Variants in DOCK3 observed in about 807,000 individuals in gnomAD.
DOCK3 encodes dedicator of cytokinesis 3, also known as dedicator of cytokinesis protein 3.
In DOCK3, 60 loss-of-function variants were observed where a neutral mutation model predicts 265.6. The observed-to-expected ratio is 0.23, with a 90% CI of 0.18 to 0.28. The LOEUF (loss-of-function observed/expected upper bound fraction) is 0.28. DOCK3 is among the 10% of genes least tolerant of loss of function. The pLI, the probability that DOCK3 is intolerant of heterozygous loss-of-function variation, is 1.00. For synonymous variants in DOCK3, 881 were observed against 938.0 expected (o/e 0.94, Z 1.11); for missense variants, 1,981 against 2,594.3 (o/e 0.76, Z 5.14).
intron 14 of DOCK3, among the ~76,000 whole-genome samples, chr3:51,217,095 A>G (rs1387183880): frequency 1.3e-5 from 2 of 152,070 alleles, no homozygotes; most frequent in Admixed American, 1.3e-4. Flanking sequence ...ATAAACTGTG[A>G]TCCTTATTTT....
chr3:51,212,779 A>G (rs1456646921), intron 13 of DOCK3, among the ~76,000 whole-genome samples: 1 of 152,198 alleles, frequency 6.6e-6, no homozygotes, highest in East Asian at 1.9e-4. Context: ...TGATTATCTA[A>G]CCAGAATGCC....
intron 4 of DOCK3, among the ~76,000 whole-genome samples, 183 bp downstream of exon 4, chr3:50,890,264 T>C (rs1262531964): frequency 6.6e-6 from 1 of 152,108 alleles, no homozygotes; most frequent in Non-Finnish European, 1.5e-5. Context: ...TTAATCTGTT[T>C]TCTTGTATAC....
intron 6 of DOCK3, among the ~76,000 whole-genome samples, chr3:51,072,915 C>T (rs2081931753): frequency 6.6e-6 from 1 of 151,284 alleles, no homozygotes; most frequent in South Asian, 2.1e-4. Context: ...ACTGAGTTGC[C>T]CAGGCTGGTC....
intron 26 of DOCK3, chr3:51,278,470 C>A: frequency 1.0e-6 from 1 of 985,302 alleles, no homozygotes; most frequent in African/African-American, 1.7e-5. Flanking sequence ...TGAAGAAAAC[C>A]CTCTGGAGCA....
chr3:51,083,168 C>T (rs373254296), intron 7 of DOCK3, among the ~76,000 whole-genome samples: 31 of 152,288 alleles, frequency 2.0e-4, no homozygotes, highest in African/African-American at 7.2e-4. Flanking sequence ...TAAGTCACTG[C>T]AGAACTCACA....
intron 5 of DOCK3, among the ~76,000 whole-genome samples, chr3:51,010,035 C>G (rs2078878188): frequency 6.6e-6 from 1 of 152,168 alleles, no homozygotes; most frequent in South Asian, 2.1e-4. Flanking sequence ...GCTTTACTTC[C>G]AACTCTGTGG....
chr3:51,232,989 T>G (rs2355942), intron 19 of DOCK3, among the ~76,000 whole-genome samples: 138,817 of 152,216 alleles, frequency 0.91, 63,447 homozygotes, highest in African/African-American at 0.96. Flanking sequence ...CTGTGTGTCT[T>G]TTTTTATACC....
At chr3:51,305,385 G>A (rs926077110) in intron 27 of DOCK3, among the ~76,000 whole-genome samples, 5 of 151,920 alleles carry the variant, frequency 3.3e-5, no homozygotes, top group African/African-American at 7.3e-5. Flanking sequence ...ACCAGTTCTC[G>A]TTTGGGTACT....
At chr3:51,264,257 A>T (rs924481128) in intron 23 of DOCK3, among the ~76,000 whole-genome samples, 4 of 152,154 alleles carry the variant, frequency 2.6e-5, no homozygotes, top group Non-Finnish European at 5.9e-5. Context: ...TAAGAAACTC[A>T]CTCAAAACCA....
intron 5 of DOCK3, among the ~76,000 whole-genome samples, chr3:51,027,933 G>T (rs1349337235): frequency 6.6e-6 from 1 of 151,822 alleles, no homozygotes; most frequent in Non-Finnish European, 1.5e-5. Flanking sequence ...AGGCTGTGTA[G>T]GTTCAACTTT....
At chr3:51,249,596 A>G (rs1475676134) in intron 22 of DOCK3, among the ~76,000 whole-genome samples, 1 of 96,086 alleles carries the variant, frequency 1.0e-5, no homozygotes, top group African/African-American at 4.0e-5. Flanking sequence ...TCCGGGAGGG[A>G]GGTGGGGGGG....
chr3:51,084,994 C>T (rs2082369358), intron 7 of DOCK3, among the ~76,000 whole-genome samples: 1 of 152,052 alleles, frequency 6.6e-6, no homozygotes, highest in Non-Finnish European at 1.5e-5. Flanking sequence ...AAAAAAATTC[C>T]ATGCAAATAG....
chr3:51,288,925 T>C (rs1055775663), intron 27 of DOCK3, among the ~76,000 whole-genome samples: 14 of 151,348 alleles, frequency 9.3e-5, no homozygotes, highest in African/African-American at 1.9e-4. Flanking sequence ...TGTGTGTGTG[T>C]GCCCATGTGT....
chr3:50,831,078 C>T (rs2045118594), intron 2 of DOCK3, among the ~76,000 whole-genome samples: 2 of 152,122 alleles, frequency 1.3e-5, no homozygotes, highest in South Asian at 4.2e-4. Context: ...TTTTAGCATA[C>T]TAATGCATTA....
Position 50,992,810 on chromosome 3 carries a change from A to G in DOCK3, c.315+58733A>G, listed in dbSNP as rs1490713836. ...AAAGAGATGGGCAAATTCCACATACATCCTTTTAAGACCGAGCCAGGAAGA... is the reference window on the plus strand; with the variant it reads ...AAAGAGATGGGCAAATTCCACATACGTCCTTTTAAGACCGAGCCAGGAAGA... On this transcript the variant is annotated intron_variant, in intron 5 of 52. Transcript: ENST00000266037. Among the ~76,000 whole-genome samples the G allele has an allele frequency of 2.0e-5, 3 of 152,340 alleles. No individual in the cohort carries two copies. In the East Asian group the frequency reaches 5.8e-4, roughly 29 times the overall value.
chr3:51,349,149 G>T (rs1394284162), intron 39 of DOCK3, among the ~76,000 whole-genome samples: 2 of 152,174 alleles, frequency 1.3e-5, no homozygotes, highest in Non-Finnish European at 2.9e-5. Flanking sequence ...AAGAGCCACT[G>T]GTGCTCAGAG....
intron 3 of DOCK3, among the ~76,000 whole-genome samples, chr3:50,844,359 G>A (rs1559713769): frequency 1.3e-5 from 2 of 152,138 alleles, no homozygotes; most frequent in South Asian, 2.1e-4. Context: ...GGGACTACAG[G>A]TGCATAGCAC....
chr3:51,286,017 G>A (rs2081385474), intron 27 of DOCK3, among the ~76,000 whole-genome samples: 1 of 152,138 alleles, frequency 6.6e-6, no homozygotes, highest in African/African-American at 2.4e-5. Flanking sequence ...AGGAAGAGAG[G>A]AAGTCAAACT....
At chr3:50,941,083 CA>C (rs1234891776) in intron 5 of DOCK3, among the ~76,000 whole-genome samples, 1 of 152,084 alleles carries the variant, frequency 6.6e-6, no homozygotes, top group Non-Finnish European at 1.5e-5. Context: ...GGACTTCTAT[CA>C]AAACCAAAAT....
Sources: gnomAD v4.1 joint callset for allele counts (sites outside exome capture counted in the v4.1 genomes callset) on GRCh38, gnomAD v4.1.1 for gene constraint, MANE v1.5 for transcripts, NCBI Gene and HGNC (gene_info 2026-07-23, HGNC 2026-07-21) for gene names.